The following RTL4 variants were observed in gnomAD, a reference collection of about 807,000 sequenced individuals.
The protein encoded by RTL4 is retrotransposon Gag like 4, also known as retrotransposon Gag-like protein 4.
In RTL4, 4 loss-of-function variants were observed where a neutral mutation model predicts 5.3. The ratio of observed to expected loss-of-function variants is 0.75; its 90% CI spans 0.37 to 1.72. RTL4 has a LOEUF of 1.72. RTL4 is among the 40% of genes most tolerant of loss of function. The pLI is 0.04. For synonymous variants in RTL4, 98 were observed against 87.3 expected, an observed-to-expected ratio of 1.12 and a Z score of -0.68; for missense variants, 260 against 227.1, an observed-to-expected ratio of 1.14 and a Z score of -0.93.
At chrX:112,237,203 C>A in the RTL4 span, among the ~76,000 whole-genome samples, 1 of 111,894 alleles carries the variant, frequency 8.9e-6, no homozygotes, top group Non-Finnish European at 1.9e-5. Context: ...GGTTGGCTGC[C>A]AAGATCATTT....
At chrX:112,434,216 C>T in the RTL4 span, among the ~76,000 whole-genome samples, 1,177 of 106,223 alleles carry the variant, frequency 0.011, 12 homozygotes, top group South Asian at 0.019. Flanking sequence ...TGTCTCTGCC[C>T]GGCTTTGGTA....
the RTL4 span, among the ~76,000 whole-genome samples, chrX:112,284,294 A>C: frequency 9.2e-6 from 1 of 108,934 alleles, no homozygotes; most frequent in Admixed American, 1.0e-4. Context: ...ATATATGTGA[A>C]AAAAAAAAGT....
At chrX:112,114,706 AGAG>A in the RTL4 span, among the ~76,000 whole-genome samples, 2 of 111,268 alleles carry the variant, frequency 1.8e-5, no homozygotes, top group Non-Finnish European at 3.8e-5. Flanking sequence ...AGGGGAGATT[AGAG>A]GAGGAGTATC....
chrX:112,455,522 C>G, exon 1 of RTL4: 1 of 1,211,611 alleles, frequency 8.3e-7, no homozygotes, highest in Non-Finnish European at 1.1e-6. Flanking sequence ...GGCCAGCTGC[C>G]TCTCACCCCA....
the RTL4 span, among the ~76,000 whole-genome samples, chrX:112,357,932 A>G: frequency 1.8e-5 from 2 of 111,752 alleles, no homozygotes; most frequent in Admixed American, 1.9e-4. Flanking sequence ...ACTGATTCTT[A>G]TGTTTGGAGC....
At chrX:112,299,964 A>G in the RTL4 span, among the ~76,000 whole-genome samples, 3 of 111,698 alleles carry the variant, frequency 2.7e-5, no homozygotes, top group Middle Eastern at 0.014. Context: ...AGAAGGGTAT[A>G]AAATATACAG....
At chrX:112,388,082 T>C in the RTL4 span, among the ~76,000 whole-genome samples, 36 of 112,233 alleles carry the variant, frequency 3.2e-4, no homozygotes, top group Non-Finnish European at 6.0e-4. Flanking sequence ...GTTTCTGTTA[T>C]TTCTGATTTC....
the RTL4 span, among the ~76,000 whole-genome samples, chrX:112,138,685 A>C: frequency 4.5e-5 from 5 of 111,660 alleles, no homozygotes; most frequent in Non-Finnish European, 1.9e-5. Flanking sequence ...TTGCAAATAA[A>C]TTTTAGAATC....
the RTL4 span, among the ~76,000 whole-genome samples, chrX:112,403,638 T>C: frequency 8.9e-6 from 1 of 112,276 alleles, no homozygotes; most frequent in Non-Finnish European, 1.9e-5. Context: ...CTGATATTTA[T>C]CGCTCCTGAT....
the RTL4 span, among the ~76,000 whole-genome samples, chrX:112,305,378 T>A: frequency 9.2e-6 from 1 of 108,679 alleles, no homozygotes; most frequent in South Asian, 4.0e-4. Flanking sequence ...TTATTTATTT[T>A]TTGAGACAGA....
the RTL4 span, among the ~76,000 whole-genome samples, chrX:112,199,984 T>G: frequency 8.9e-6 from 1 of 112,233 alleles, no homozygotes; most frequent in African/African-American, 3.2e-5. Context: ...AGTATTTTAT[T>G]TGTTATGTGC....
chrX:112,177,089 T>C, the RTL4 span, among the ~76,000 whole-genome samples: 1 of 111,030 alleles, frequency 9.0e-6, no homozygotes, highest in Non-Finnish European at 1.9e-5. Context: ...AAAGTGTCTG[T>C]TGATGGACAC....
At chrX:112,354,231 C>G in the RTL4 span, among the ~76,000 whole-genome samples, 2 of 110,857 alleles carry the variant, frequency 1.8e-5, no homozygotes, top group African/African-American at 6.6e-5. Context: ...GGACTTGGAA[C>G]CAGGCTGCTT....
At chrX:112,421,404 A>G in the RTL4 span, among the ~76,000 whole-genome samples, 41 of 112,186 alleles carry the variant, frequency 3.7e-4, no homozygotes, top group Non-Finnish European at 6.4e-4. Flanking sequence ...GATAATCTAT[A>G]TGCATATTAA....
exon 1 of RTL4, chrX:112,454,632 C>T (rs1159122815): frequency 8.5e-6 from 7 of 827,597 alleles, no homozygotes; most frequent in Non-Finnish European, 1.2e-5. Context: ...TTGCTCATGA[C>T]ACTCCGTCTC....
At chrX:112,130,040 A>G in the RTL4 span, among the ~76,000 whole-genome samples, 7 of 111,519 alleles carry the variant, frequency 6.3e-5, no homozygotes, top group Admixed American at 9.5e-5. Flanking sequence ...GGAAGACTCA[A>G]TATTACTAAG....
the RTL4 span, among the ~76,000 whole-genome samples, chrX:112,368,456 T>C: frequency 9.0e-6 from 1 of 111,248 alleles, no homozygotes; most frequent in Admixed American, 9.5e-5. Flanking sequence ...TCCTAAATTG[T>C]AAAATAAATG....
chrX:112,208,240 A>G, the RTL4 span, among the ~76,000 whole-genome samples: 1 of 111,874 alleles, frequency 8.9e-6, no homozygotes, highest in Admixed American at 9.5e-5. Context: ...TTTTTAATAA[A>G]TCACTGATGC....
the RTL4 span, among the ~76,000 whole-genome samples, chrX:112,235,712 A>G: frequency 8.9e-6 from 1 of 112,057 alleles, no homozygotes; most frequent in East Asian, 2.8e-4. Context: ...AAGCCAATGA[A>G]AAATTGGACC....
Sources: gnomAD v4.1 joint callset for allele counts (sites outside exome capture counted in the v4.1 genomes callset) on GRCh38, gnomAD v4.1.1 for gene constraint, MANE v1.5 for transcripts, NCBI Gene and HGNC (gene_info 2026-07-23, HGNC 2026-07-21) for gene names.